PPFIBP1: variants seen among roughly 807,000 people sequenced by gnomAD.
The protein encoded by PPFIBP1 is PPFIB scaffold protein 1, also known as liprin-beta-1.
In PPFIBP1, 112 loss-of-function variants were observed where a neutral mutation model predicts 137.8. The ratio of observed to expected loss-of-function variants is 0.81; its 90% CI spans 0.70 to 0.95. The LOEUF (loss-of-function observed/expected upper bound fraction) is 0.95, where lower values mean the gene tolerates loss of function less well. Among genes scored for constraint, PPFIBP1 ranks in the 40% least tolerant of loss-of-function variants. The probability of loss-of-function intolerance (pLI) is 0.00; values close to 1 mark genes in which losing one functional copy is unlikely to be tolerated. For synonymous variants in PPFIBP1, 378 were observed against 417.3 expected, an observed-to-expected ratio of 0.91 and a Z score of 1.15; for missense variants, 1,083 against 1,196.6, an observed-to-expected ratio of 0.91 and a Z score of 1.40.
At chr12:27,605,893 A>T (rs1264947141) in intron 2 of PPFIBP1, among the ~76,000 whole-genome samples, 3 of 152,224 alleles carry the variant, frequency 2.0e-5, no homozygotes, top group Admixed American at 1.3e-4. Flanking sequence ...TGAATGTCAG[A>T]AATGCAATTT....
intron 11 of PPFIBP1, among the ~76,000 whole-genome samples, chr12:27,663,562 C>T (rs1283058545): frequency 3.3e-5 from 5 of 152,036 alleles, no homozygotes; most frequent in African/African-American, 1.2e-4. Context: ...AGGTTGGGGC[C>T]GGGCATGGTG....
intron 7 of PPFIBP1, among the ~76,000 whole-genome samples, chr12:27,650,657 C>A (rs898486367): frequency 3.3e-5 from 5 of 152,120 alleles, no homozygotes; most frequent in African/African-American, 1.2e-4. Context: ...GTAAATCATT[C>A]CAATTAAATA....
chr12:27,682,665 G>A lies in PPFIBP1; in HGVS notation c.2209G>A (p.Gly737Arg). 1.2e-6 allele frequency: 2 copies of A among 1,614,152 alleles called. No individual in the cohort carries two copies. The highest frequency in any genetic ancestry group is 1.7e-5 in the Admixed American group (1 of 60,008). The change falls in exon 24 of 30, where the codon GGA becomes AGA. Residue 737 changes from glycine (G) to arginine (R), a missense_variant. Physicochemically the swap from Gly to Arg is moderately radical, Grantham distance 125 (BLOSUM62 -2). Transcript: ENST00000228425. ...LPQYKTQFDE[G>R]RVDGRMLHYM... The stretch of plus-strand genomic sequence containing the variant: ...TCAATATAAGACCCAGTTTGATGAA[G>A]GACGGGTTGATGGTCGAATGCTACA...
intron 2 of PPFIBP1, among the ~76,000 whole-genome samples, chr12:27,605,503 T>C (rs919067276): frequency 6.6e-6 from 1 of 152,162 alleles, no homozygotes; most frequent in African/African-American, 2.4e-5. Flanking sequence ...TTTCTATAGG[T>C]AAATTTTTAA....
At chr12:27,549,594 G>T (rs957969464) in intron 1 of PPFIBP1, 1 of 151,084 alleles carries the variant, frequency 6.6e-6, no homozygotes, top group Non-Finnish European at 1.5e-5. Context: ...AATGAAGGAA[G>T]TCTATCAAGA....
At chr12:27,592,797 G>C in intron 2 of PPFIBP1, 1 of 697,174 alleles carries the variant, frequency 1.4e-6, no homozygotes. Context: ...CATGACAGCA[G>C]CCAAGTCAAC....
chr12:27,593,594 T>C, intron 2 of PPFIBP1: 1 of 406,318 alleles, frequency 2.5e-6, no homozygotes, highest in Non-Finnish European at 4.7e-6. Context: ...CATCATCATC[T>C]TCATTGTCTT....
At chr12:27,692,704 A>G (rs2061624084) in intron 29 of PPFIBP1, 48 bp downstream of exon 29, 1 of 1,613,936 alleles carries the variant, frequency 6.2e-7, no homozygotes, top group African/African-American at 1.3e-5. Flanking sequence ...AATGTCTTTT[A>G]TAACAACCCC....
chr12:27,688,566 A>G (rs1226205779), intron 26 of PPFIBP1, 143 bp downstream of exon 26: 4 of 1,025,334 alleles, frequency 3.9e-6, no homozygotes, highest in Non-Finnish European at 4.2e-6. Flanking sequence ...CTTTACTTTC[A>G]GAGTATTTGT....
intron 12 of PPFIBP1, among the ~76,000 whole-genome samples, chr12:27,666,480 GTGT>G (rs764212618): frequency 1.3e-5 from 2 of 152,040 alleles, no homozygotes; most frequent in Non-Finnish European, 2.9e-5. Context: ...GTAGATTAGC[GTGT>G]TAAGTATCAT....
intron 2 of PPFIBP1, among the ~76,000 whole-genome samples, chr12:27,599,675 T>C (rs1285026677): frequency 6.6e-6 from 1 of 152,170 alleles, no homozygotes; most frequent in African/African-American, 2.4e-5. Flanking sequence ...ACTTTAAGCA[T>C]ACAAAAAAGA....
intron 2 of PPFIBP1, 119 bp from the exon 3 acceptor site, chr12:27,633,243 C>T (rs1438919944): frequency 3.0e-6 from 2 of 670,762 alleles, no homozygotes; most frequent in African/African-American, 1.8e-5. Flanking sequence ...TACTCCACTA[C>T]TGAAGTTCTT....
In PPFIBP1 at chr12:27,646,586, A is replaced by G. The variant is rs529777967; in HGVS notation, c.357+438A>G. 2.7e-4 allele frequency among the ~76,000 whole-genome samples: 41 copies of G among 152,182 alleles called. No homozygotes were observed. The South Asian group carries it at 8.1e-3, about 30-fold the overall frequency. ...ATATTTTAATATATAGCAGAAATTC[A>G]GATATATGAATATAGCATAACATCT... On this transcript the variant is annotated intron_variant, in intron 5 of 29. Coordinates refer to ENST00000228425, the MANE Select transcript of PPFIBP1 (RefSeq NM_003622.4).
At chr12:27,621,719 G>A (rs995071636) in intron 2 of PPFIBP1, among the ~76,000 whole-genome samples, 10 of 152,158 alleles carry the variant, frequency 6.6e-5, no homozygotes, top group Non-Finnish European at 1.3e-4. Context: ...AAGACAAACT[G>A]TTGAGTTTAT....
chr12:27,576,451 C>T (rs1332390060), intron 1 of PPFIBP1, among the ~76,000 whole-genome samples: 6 of 152,306 alleles, frequency 3.9e-5, no homozygotes, highest in Non-Finnish European at 7.3e-5. Flanking sequence ...CCCCTGCAGC[C>T]TAATCTTGCC....
At chr12:27,644,884 AT>A (rs1472300399) in intron 4 of PPFIBP1, among the ~76,000 whole-genome samples, 1 of 150,340 alleles carries the variant, frequency 6.7e-6, no homozygotes, top group Non-Finnish European at 1.5e-5. Context: ...TAGAAAAAAC[AT>A]TCTGAAATTT....
At chr12:27,525,114 A>C (rs1283747559) in intron 1 of PPFIBP1, among the ~76,000 whole-genome samples, 2 of 152,050 alleles carry the variant, frequency 1.3e-5, no homozygotes, top group Non-Finnish European at 2.9e-5. Context: ...TTTTTTAGAG[A>C]AGGGAGTTTT....
chr12:27,538,367 G>A (rs575894151), intron 1 of PPFIBP1: 6 of 152,272 alleles, frequency 3.9e-5, no homozygotes, highest in Admixed American at 1.3e-4. Context: ...TGTCTTTGAA[G>A]GTTCCTTCCA....
At position 27,647,809 on chromosome 12, in the gene PPFIBP1, G is replaced by T; in HGVS notation, c.438G>T (p.Glu146Asp). 1 of 1,612,646 alleles carries T rather than the reference G, an allele frequency of 6.2e-7. No homozygotes were observed. Among genetic ancestry groups the T allele is most frequent in the Non-Finnish European group, 8.5e-7 (1 of 1,179,472 alleles). Reference sequence around the variant, plus strand: ...AGTTTTGTCTTGAAGAGCACAGAGAGAAGGTGAATGCCACAGAAGAAATGC... The same window carrying T: ...AGTTTTGTCTTGAAGAGCACAGAGATAAGGTGAATGCCACAGAAGAAATGC... ...DLEFCLEEHREKVNATEEMLQ... is the reference protein window; with the variant it reads ...DLEFCLEEHRDKVNATEEMLQ... Residue 146 changes from glutamate (E) to aspartate (D), a missense_variant, in exon 6 of 30, where the codon GAG becomes GAT. Transcript: ENST00000228425.
Sources: gnomAD v4.1 joint callset for allele counts (sites outside exome capture counted in the v4.1 genomes callset) on GRCh38, gnomAD v4.1.1 for gene constraint, MANE v1.5 for transcripts, NCBI Gene and HGNC (gene_info 2026-07-23, HGNC 2026-07-21) for gene names.